STXBP6: variants seen among roughly 807,000 people sequenced by gnomAD.
STXBP6 encodes the protein syntaxin-binding protein 6.
STXBP6 carries 21 observed loss-of-function variants against 26.9 expected under a neutral mutation model. That is an observed-to-expected ratio of 0.78 (90% CI 0.55 to 1.12). The LOEUF is 1.12. Ranked by LOEUF, STXBP6 falls within the 50% of genes most tolerant of loss-of-function variation. The probability of loss-of-function intolerance (pLI) is 0.00; values close to 1 mark genes in which losing one functional copy is unlikely to be tolerated. For missense variants in STXBP6, 232 were observed against 257.9 expected (o/e 0.90, Z 0.69); for synonymous variants, 97 against 92.6 (o/e 1.05, Z -0.27).
At chr14:25,003,286 C>T (rs2074809893) in intron 1 of STXBP6, among the ~76,000 whole-genome samples, 1 of 152,162 alleles carries the variant, frequency 6.6e-6, no homozygotes, top group South Asian at 2.1e-4. Context: ...CCTCTAATAC[C>T]AAGGAGAGCA....
chr14:24,958,573 T>G (rs1033606764), intron 2 of STXBP6, among the ~76,000 whole-genome samples: 1 of 152,176 alleles, frequency 6.6e-6, no homozygotes, highest in African/African-American at 2.4e-5. Context: ...GCCTTAAAGC[T>G]AGAGAATTTT....
chr14:25,002,507 G>A (rs111942400), intron 1 of STXBP6, among the ~76,000 whole-genome samples: 9,435 of 151,842 alleles, frequency 0.062, 336 homozygotes, highest in Middle Eastern at 0.088. Context: ...CTATAGGCAC[G>A]TGCCACCACA....
At chr14:24,915,857 G>A (rs1229542309) in intron 2 of STXBP6, among the ~76,000 whole-genome samples, 5 of 152,052 alleles carry the variant, frequency 3.3e-5, no homozygotes, top group Admixed American at 3.3e-4. Flanking sequence ...AAAGAAAATT[G>A]CAATGATTAT....
chr14:25,011,561 GT>G (rs2075032487), intron 1 of STXBP6, among the ~76,000 whole-genome samples: 1 of 152,172 alleles, frequency 6.6e-6, no homozygotes, highest in South Asian at 2.1e-4. Context: ...ACTGGGTTCA[GT>G]CCAAGAGAAT....
chr14:25,040,135 G>A (rs939986144), intron 1 of STXBP6, among the ~76,000 whole-genome samples: 3 of 152,190 alleles, frequency 2.0e-5, no homozygotes, highest in African/African-American at 7.2e-5. Flanking sequence ...GCCTTGCAAA[G>A]GTCATACAGT....
intron 2 of STXBP6, among the ~76,000 whole-genome samples, chr14:24,965,438 G>A (rs1009015920): frequency 6.6e-6 from 1 of 151,618 alleles, no homozygotes; most frequent in Non-Finnish European, 1.5e-5. Flanking sequence ...GGTAAAGGTG[G>A]TGTATGGTCA....
intron 2 of STXBP6, among the ~76,000 whole-genome samples, chr14:24,962,424 G>A (rs545376863): frequency 3.3e-5 from 5 of 151,906 alleles, no homozygotes; most frequent in African/African-American, 1.2e-4. Flanking sequence ...CTGCCTCCCA[G>A]GTTCAAGCAA....
At chr14:25,004,824 C>A (rs1184932915) in intron 1 of STXBP6, among the ~76,000 whole-genome samples, 3 of 152,228 alleles carry the variant, frequency 2.0e-5, no homozygotes, top group African/African-American at 7.2e-5. Flanking sequence ...CAGCAAGAAG[C>A]ATAGCTTTCT....
At chr14:24,840,362 C>A (rs756027831) in intron 4 of STXBP6, among the ~76,000 whole-genome samples, 12 of 152,142 alleles carry the variant, frequency 7.9e-5, no homozygotes, top group Non-Finnish European at 1.8e-4. Flanking sequence ...CAACAAGATG[C>A]GACCACAGGA....
At chr14:24,970,468 A>G (rs2073873888) in intron 2 of STXBP6, among the ~76,000 whole-genome samples, 1 of 152,182 alleles carries the variant, frequency 6.6e-6, no homozygotes, top group Non-Finnish European at 1.5e-5. Flanking sequence ...TCATATAAAT[A>G]GAATCACATA....
chr14:24,982,265 C>A (rs1039064608), intron 1 of STXBP6, among the ~76,000 whole-genome samples: 2 of 152,248 alleles, frequency 1.3e-5, no homozygotes, highest in Admixed American at 1.3e-4. Flanking sequence ...GTGTTGAGAA[C>A]CCCAAAGTAA....
At chr14:25,032,558 C>A (rs1285193771) in intron 1 of STXBP6, among the ~76,000 whole-genome samples, 1 of 152,202 alleles carries the variant, frequency 6.6e-6, no homozygotes, top group Non-Finnish European at 1.5e-5. Flanking sequence ...CAGGAGCACT[C>A]AACCCGTCCG....
In STXBP6 at chr14:24,851,668, AC is replaced by A. The variant is rs531539922; in HGVS notation, c.451+4267del. The stretch of plus-strand genomic sequence containing the variant: ...ATAACATCATTTCTGTTTACAATAA[AC>A]ACAGAGAAAATAAAAGCCACCATTT... On this transcript the variant is annotated intron_variant, in intron 4 of 5. Coordinates refer to ENST00000323944, the MANE Select transcript of STXBP6 (RefSeq NM_001394410.1). 5.0e-4 allele frequency among the ~76,000 whole-genome samples: 76 copies of A among 152,180 alleles called. 1 individual carries two copies. The highest frequency in any genetic ancestry group is 1.8e-3 in the Admixed American group (28 of 15,276).
Position 24,843,938 on chromosome 14 carries a change from G to C in STXBP6, c.451+11998C>G, listed in dbSNP as rs532570068. Among the ~76,000 whole-genome samples, 7 of 152,290 alleles carry C rather than the reference G, an allele frequency of 4.6e-5. No individual in the cohort carries two copies. In the South Asian group the frequency reaches 6.2e-4, roughly 14 times the overall value. On this transcript the variant is annotated intron_variant, in intron 4 of 5. Coordinates refer to ENST00000323944, the MANE Select transcript of STXBP6 (RefSeq NM_001394410.1). ...TCAATAATACCTGAGTTTATGAGGT[G>C]ACTTTTGGAGGTTAGGGGACTGGCT...
chr14:24,810,873 G>GTGTGTGTGTGTA lies in STXBP6; in HGVS notation c.*1835_*1836insTACACACACACA, dbSNP rs1566366645. ...GAAAGATAAATACATCTCTGTGTGT[G>GTGTGTGTGTGTA]TGTGTGTGTGTGTGTGTGTGTGTGT... On this transcript the variant is annotated 3_prime_UTR_variant, in exon 6 of 6. Transcript: ENST00000323944. 1 of 150,736 alleles carries GTGTGTGTGTGTA rather than the reference G, an allele frequency of 6.6e-6. No individual in the cohort carries two copies. Among genetic ancestry groups the GTGTGTGTGTGTA allele is most frequent in the African/African-American group, 2.4e-5 (1 of 40,914 alleles). 9.3% of individuals were successfully genotyped at this position (150,736 alleles called of 1,614,324 possible). A position where few individuals can be genotyped will look rare whatever the true frequency, so the allele number is the denominator to read the frequency against.
At chr14:24,866,573 T>C (rs1177575146) in intron 2 of STXBP6, among the ~76,000 whole-genome samples, 1 of 152,042 alleles carries the variant, frequency 6.6e-6, no homozygotes, top group East Asian at 1.9e-4. Flanking sequence ...TGCTTAGGCA[T>C]ATGTTTAACC....
At position 24,997,176 on chromosome 14, in the gene STXBP6, T is replaced by C. The variant is rs532780788; in HGVS notation, c.-32-22326A>G. ...ACTCACAGGCCAGAATCCTGTCTTC[T>C]CTTTTCTATGTGCGTAGCCCTCACC... On this transcript the variant is annotated intron_variant, in intron 1 of 5. Coordinates refer to ENST00000323944, the MANE Select transcript of STXBP6 (RefSeq NM_001394410.1). Among the ~76,000 whole-genome samples the C allele has an allele frequency of 1.2e-4, 19 of 152,244 alleles. No homozygotes were observed. In the East Asian group the frequency reaches 3.1e-3, roughly 25 times the overall value.
intron 2 of STXBP6, among the ~76,000 whole-genome samples, chr14:24,965,291 A>G (rs2073697954): frequency 7.4e-6 from 1 of 134,320 alleles, no homozygotes. Flanking sequence ...TTCACATGAC[A>G]TGGGTCACGG....
chr14:24,910,375 T>C (rs2071528627), intron 2 of STXBP6, among the ~76,000 whole-genome samples: 1 of 152,262 alleles, frequency 6.6e-6, no homozygotes, highest in East Asian at 1.9e-4. Flanking sequence ...GCCAGAGTTT[T>C]TGCCTTTGTT....
Sources: allele counts gnomAD v4.1 joint callset (sites outside exome capture counted in the v4.1 genomes callset), GRCh38; gene constraint gnomAD v4.1.1; transcripts MANE v1.5; gene names NCBI Gene and HGNC (gene_info 2026-07-23, HGNC 2026-07-21).